The following TAFA5 variants were observed in gnomAD, a reference collection of about 807,000 sequenced individuals.
TAFA5 encodes TAFA chemokine like family member 5.
TAFA5 carries 6 observed loss-of-function variants against 15.3 expected under a neutral mutation model. That is an observed-to-expected ratio of 0.39 (90% CI 0.21 to 0.77). The LOEUF (loss-of-function observed/expected upper bound fraction) is 0.77. Among genes scored for constraint, TAFA5 ranks in the 30% least tolerant of loss-of-function variants. The probability of loss-of-function intolerance (pLI) is 0.41; values close to 1 mark genes in which losing one functional copy is unlikely to be tolerated. For synonymous variants in TAFA5, 103 were observed against 80.7 expected (o/e 1.28, Z -1.48); for missense variants, 161 against 193.1 (o/e 0.83, Z 0.98).
Position 48,550,039 on chromosome 22 carries a change from A to G in TAFA5, c.112+60335A>G, listed in dbSNP as rs1922805578. 6.6e-6 allele frequency among the ~76,000 whole-genome samples: 1 copy of G among 152,240 alleles called. No individual in the cohort carries two copies. Among genetic ancestry groups the G allele is most frequent in the African/African-American group, 2.4e-5 (1 of 41,472 alleles). On this transcript the variant is annotated intron_variant, in intron 1 of 3. Coordinates refer to ENST00000402357, the MANE Select transcript of TAFA5 (RefSeq NM_001082967.3). The surrounding 1 kb of genome is among the most constrained non-coding windows in gnomAD (Gnocchi z 4.1). The stretch of plus-strand genomic sequence containing the variant: ...CTCCTTCTCAAAGAGAAACCGAGTC[A>G]CAGAGTGTTTCAGTAACTGAGAACA...
chr22:48,629,119 G>C (rs184637958), intron 1 of TAFA5, among the ~76,000 whole-genome samples: 311 of 152,228 alleles, frequency 2.0e-3, no homozygotes, highest in African/African-American at 7.3e-3. Flanking sequence ...GGGTGCTCTG[G>C]GGCCCCAGCG....
chr22:48,620,931 T>C (rs1042154350), intron 1 of TAFA5, among the ~76,000 whole-genome samples: 6 of 3,494 alleles, frequency 1.7e-3, no homozygotes, highest in East Asian at 0.024. Context: ...TATTCATCCA[T>C]CCCCCCACCC....
intron 1 of TAFA5, among the ~76,000 whole-genome samples, chr22:48,574,453 C>T (rs558144077): frequency 6.6e-6 from 1 of 152,276 alleles, no homozygotes; most frequent in East Asian, 1.9e-4. Context: ...AGACCAGTCA[C>T]CATGCCTCTA....
intron 3 of TAFA5, among the ~76,000 whole-genome samples, chr22:48,745,501 C>T (rs1930303824): frequency 6.6e-6 from 1 of 151,670 alleles, no homozygotes; most frequent in Admixed American, 6.6e-5. Flanking sequence ...CCGGGGTTCA[C>T]CCTGAGCATG....
intron 1 of TAFA5, among the ~76,000 whole-genome samples, chr22:48,617,011 G>A (rs957539297): frequency 2.0e-5 from 3 of 152,222 alleles, no homozygotes; most frequent in East Asian, 1.9e-4. Flanking sequence ...GGCTGGGAGC[G>A]TGGATACCTG....
At position 48,560,494 on chromosome 22, in the gene TAFA5, A is replaced by G. The variant is rs16999455; in HGVS notation, c.112+70790A>G. 8.1e-3 allele frequency among the ~76,000 whole-genome samples: 1,229 copies of G among 152,258 alleles called. 16 individuals are homozygous for G. Among genetic ancestry groups the G allele is most frequent in the African/African-American group, 0.029 (1,185 of 41,542 alleles). The stretch of plus-strand genomic sequence containing the variant: ...CAGCAGGCGCCCCCAGTGTGAACTA[A>G]TGTGAGGTGCTTTCATGCTGCAGAA... On this transcript the variant is annotated intron_variant, in intron 1 of 3. Transcript: ENST00000402357. The surrounding 1 kb of genome is among the most constrained non-coding windows in gnomAD (Gnocchi z 4.2).
chr22:48,624,724 C>G (rs1925967940), intron 1 of TAFA5, among the ~76,000 whole-genome samples: 1 of 152,146 alleles, frequency 6.6e-6, no homozygotes, highest in South Asian at 2.1e-4. Flanking sequence ...CCTGGCTCAT[C>G]CTGTCTAGCT....
At chr22:48,639,745 C>T (rs1293784379) in intron 1 of TAFA5, among the ~76,000 whole-genome samples, 1 of 152,194 alleles carries the variant, frequency 6.6e-6, no homozygotes, top group Non-Finnish European at 1.5e-5. Flanking sequence ...AAACTTGGCT[C>T]ACTTATAAAA....
chr22:48,731,462 G>T (rs1244086151), intron 3 of TAFA5, among the ~76,000 whole-genome samples: 1 of 152,232 alleles, frequency 6.6e-6, no homozygotes, highest in African/African-American at 2.4e-5. Context: ...CTAGAGAGAA[G>T]TCAGTGCCTG....
intron 2 of TAFA5, among the ~76,000 whole-genome samples, chr22:48,702,219 A>C (rs28523633): frequency 0.28 from 41,793 of 151,964 alleles, 5,934 homozygotes; most frequent in Middle Eastern, 0.32. Context: ...TGTGAATGGC[A>C]TATATGTACG....
At chr22:48,730,897 AG>A (rs764559047) in intron 3 of TAFA5, among the ~76,000 whole-genome samples, 74 of 152,178 alleles carry the variant, frequency 4.9e-4, no homozygotes, top group Admixed American at 1.4e-3. Context: ...TTCAAGTGAA[AG>A]GAAGAGGCGT....
intron 1 of TAFA5, among the ~76,000 whole-genome samples, chr22:48,597,237 C>T (rs1211855945): frequency 2.0e-5 from 3 of 152,246 alleles, no homozygotes; most frequent in Non-Finnish European, 4.4e-5. Flanking sequence ...CCCAGGAACA[C>T]CTGCTGCCCC....
chr22:48,674,997 A>C (rs1927927314), intron 2 of TAFA5, among the ~76,000 whole-genome samples: 1 of 150,150 alleles, frequency 6.7e-6, no homozygotes. Context: ...CTTGGAGTGC[A>C]GTGGCGCGAT....
chr22:48,511,785 A>G (rs559072367), intron 1 of TAFA5, among the ~76,000 whole-genome samples: 1 of 152,344 alleles, frequency 6.6e-6, no homozygotes, highest in South Asian at 2.1e-4. Flanking sequence ...CGGTGCTGAC[A>G]GTTTCTTCCC....
intron 1 of TAFA5, among the ~76,000 whole-genome samples, chr22:48,629,080 G>T (rs946361744): frequency 6.6e-6 from 1 of 152,136 alleles, no homozygotes; most frequent in Non-Finnish European, 1.5e-5. Context: ...CCCTGCCGGC[G>T]GCCTCCTGAA....
chr22:48,568,781 C>A (rs1451638557), intron 1 of TAFA5, among the ~76,000 whole-genome samples: 5 of 152,196 alleles, frequency 3.3e-5, no homozygotes, highest in Non-Finnish European at 5.9e-5. Context: ...CATGCTGCCC[C>A]ATGAGCCTGG....
intron 2 of TAFA5, among the ~76,000 whole-genome samples, chr22:48,653,221 G>T (rs55776362): frequency 6.6e-6 from 1 of 152,270 alleles, no homozygotes; most frequent in African/African-American, 2.4e-5. Context: ...ACACCCCTCC[G>T]TTCCATTCTG....
intron 1 of TAFA5, among the ~76,000 whole-genome samples, chr22:48,578,590 A>G (rs114787976): frequency 0.041 from 6,216 of 152,238 alleles, 420 homozygotes; most frequent in African/African-American, 0.14. Flanking sequence ...AGGTGGGATG[A>G]GGATGGGGTC....
At chr22:48,596,920 G>C (rs74427111) in intron 1 of TAFA5, among the ~76,000 whole-genome samples, 269 of 152,218 alleles carry the variant, frequency 1.8e-3, no homozygotes, top group African/African-American at 5.9e-3. Flanking sequence ...TGATCCTCTC[G>C]CTCAAGCCTC....
Sources: gnomAD v4.1 joint callset for allele counts (sites outside exome capture counted in the v4.1 genomes callset) on GRCh38, gnomAD v4.1.1 for gene constraint, Gnocchi (gnomAD v3.1) non-coding constraint, MANE v1.5 for transcripts, NCBI Gene and HGNC (gene_info 2026-07-23, HGNC 2026-07-21) for gene names.